PCDHGA4: variants seen among roughly 807,000 people sequenced by gnomAD.
PCDHGA4 encodes protocadherin gamma subfamily A, 4.
A neutral mutation model predicts 54.6 loss-of-function variants in PCDHGA4; 38 were observed. That is an observed-to-expected ratio of 0.70 (90% confidence interval 0.54 to 0.91). The LOEUF is 0.91. Ranked by LOEUF, PCDHGA4 falls within the 40% of genes least tolerant of loss-of-function variation. The pLI is 0.00. For missense variants in PCDHGA4, 1,298 were observed against 1,220.9 expected (o/e 1.06, Z -0.94); for synonymous variants, 511 against 512.9 (o/e 1.00, Z 0.05).
intron 1 of PCDHGA4, chr5:141,394,129 C>T: frequency 3.7e-6 from 6 of 1,613,968 alleles, no homozygotes; most frequent in Non-Finnish European, 5.1e-6. Context: ...ACTCAAATCG[C>T]TCTGCACGTG....
At chr5:141,413,389 T>G in intron 1 of PCDHGA4, 1 of 1,613,986 alleles carries the variant, frequency 6.2e-7, no homozygotes, top group Non-Finnish European at 8.5e-7. Flanking sequence ...CCGCATAGTC[T>G]CCAGAGGTAG....
chr5:141,431,325 G>A lies in PCDHGA4; in HGVS notation c.2515-63482G>A. On this transcript the variant is annotated intron_variant, in intron 1 of 3. Transcript: ENST00000571252. The surrounding 1 kb of genome is among the most constrained non-coding windows in gnomAD (Gnocchi z 4.8). ...ATCGTGCAAAATGGAGCCGACGGTA[G>A]TAAGTACCCCGAATTGGTGCTGAAA... is the stretch of plus-strand genomic sequence containing the variant. 6.2e-7 allele frequency: 1 copy of A among 1,614,144 alleles called. No homozygotes were observed. The highest frequency in any genetic ancestry group is 8.5e-7 in the Non-Finnish European group (1 of 1,180,052).
chr5:141,464,419 A>G (rs2099083824), intron 1 of PCDHGA4, among the ~76,000 whole-genome samples: 1 of 151,768 alleles, frequency 6.6e-6, no homozygotes, highest in South Asian at 2.1e-4. Context: ...ATATATCTAT[A>G]TATATAGATA....
chr5:141,489,094 G>GAAT lies in PCDHGA4; in HGVS notation c.2515-5711_2515-5710insTAA, dbSNP rs2154581134. 5.1e-6 allele frequency: 2 copies of GAAT among 396,028 alleles called. No homozygotes were observed. Among genetic ancestry groups the GAAT allele is most frequent in the Non-Finnish European group, 9.0e-6 (2 of 221,296 alleles). 24.5% of individuals were successfully genotyped at this position (396,028 alleles called of 1,614,324 possible). Reference sequence around the variant, plus strand: ...CCCACCCCCGCCACTCGGTGACTAAGAACTGCTGCAAGCAGGCAAACCTCC... The same window carrying GAAT: ...CCCACCCCCGCCACTCGGTGACTAAGAATAACTGCTGCAAGCAGGCAAACCTCC... On this transcript the variant is annotated intron_variant, in intron 1 of 3. Coordinates refer to ENST00000571252, the MANE Select transcript of PCDHGA4 (RefSeq NM_018917.4). The surrounding 1 kb of genome is among the most constrained non-coding windows in gnomAD (Gnocchi z 4.5).
chr5:141,366,190 G>A, intron 1 of PCDHGA4: 1 of 1,613,934 alleles, frequency 6.2e-7, no homozygotes, highest in African/African-American at 1.3e-5. Context: ...TTGCGGTTGG[G>A]CTGCACACGG....
intron 1 of PCDHGA4, chr5:141,365,015 C>T (rs773470378): frequency 1.2e-6 from 2 of 1,613,786 alleles, no homozygotes; most frequent in Admixed American, 3.3e-5. Context: ...CACGCACATC[C>T]GTGTTACGGT....
chr5:141,383,093 G>C, intron 1 of PCDHGA4: 1 of 1,613,930 alleles, frequency 6.2e-7, no homozygotes. Context: ...CGCGGAGTCC[G>C]CATCATCTCC....
chr5:141,403,533 T>G (rs1307203985), intron 1 of PCDHGA4: 2 of 1,613,992 alleles, frequency 1.2e-6, no homozygotes, highest in African/African-American at 2.7e-5. Flanking sequence ...AACCCAGAGC[T>G]GGTGCTGGAG....
chr5:141,445,537 G>A (rs1266179512), intron 1 of PCDHGA4, among the ~76,000 whole-genome samples: 1 of 152,182 alleles, frequency 6.6e-6, no homozygotes, highest in African/African-American at 2.4e-5. Flanking sequence ...AAGCCAACAA[G>A]GAGAAATACA....
At chr5:141,418,744 T>C in intron 1 of PCDHGA4, 1 of 1,613,936 alleles carries the variant, frequency 6.2e-7, no homozygotes, top group Non-Finnish European at 8.5e-7. Context: ...TCTCTCTGGA[T>C]TACACTACAG....
chr5:141,498,807 C>G (rs113587634), intron 2 of PCDHGA4, among the ~76,000 whole-genome samples: 1 of 152,030 alleles, frequency 6.6e-6, no homozygotes, highest in Non-Finnish European at 1.5e-5. Flanking sequence ...GTGGTGCACA[C>G]CTGTAGTCCC....
intron 2 of PCDHGA4, among the ~76,000 whole-genome samples, chr5:141,502,705 T>C (rs1475675789): frequency 6.6e-6 from 1 of 152,248 alleles, no homozygotes; most frequent in African/African-American, 2.4e-5. Context: ...TATCTGTTTT[T>C]ACATCAGTGA....
In PCDHGA4 at chr5:141,356,483, G is replaced by C. The variant is rs2149791327; in HGVS notation, c.1376G>C (p.Gly459Ala). The C allele has an allele frequency of 6.2e-7, 1 of 1,613,938 alleles. No individual in the cohort carries two copies. The highest frequency in any genetic ancestry group is 1.1e-5 in the South Asian group (1 of 91,078). The change falls in exon 1 of 4, where the codon GGA becomes GCA. Residue 459 changes from glycine (G) to alanine (A), a missense_variant. Transcript: ENST00000571252. Reference protein sequence around the residue: ...YNITVTATDQGTPPLSTETHI... With the variant: ...YNITVTATDQATPPLSTETHI... ...ATCACTGTAACTGCCACTGACCAGG[G>C]AACTCCTCCACTGTCTACAGAAACT...
chr5:141,421,538 T>A, intron 1 of PCDHGA4: 2 of 1,614,028 alleles, frequency 1.2e-6, no homozygotes, highest in Non-Finnish European at 1.7e-6. Context: ...TCCTCCTGTT[T>A]TTTAAATATG....
intron 1 of PCDHGA4, among the ~76,000 whole-genome samples, chr5:141,380,089 G>A (rs1333618493): frequency 6.6e-6 from 1 of 151,698 alleles, no homozygotes; most frequent in Non-Finnish European, 1.5e-5. Flanking sequence ...TAGTAGAGAT[G>A]GGGTTTTACC....
intron 1 of PCDHGA4, among the ~76,000 whole-genome samples, chr5:141,368,352 C>CAT (rs965270733): frequency 4.6e-5 from 7 of 152,124 alleles, no homozygotes; most frequent in East Asian, 1.9e-4. Flanking sequence ...TATACACACA[C>CAT]ATATATATAC....
chr5:141,399,590 T>G, intron 1 of PCDHGA4: 1 of 1,613,972 alleles, frequency 6.2e-7, no homozygotes, highest in East Asian at 2.2e-5. Context: ...TACTCTATCA[T>G]GGCCAGCGAC....
chr5:141,366,411 T>C lies in PCDHGA4; in HGVS notation c.2514+8790T>C, dbSNP rs759374656. ...GATCTGGACCTCACACTCTATCTTG[T>C]GGTGGCAGTGGCTGCAGTCTCCTGC... On this transcript the variant is annotated intron_variant, in intron 1 of 3. Coordinates refer to ENST00000571252, the MANE Select transcript of PCDHGA4 (RefSeq NM_018917.4). The C allele has an allele frequency of 6.2e-7, 1 of 1,614,194 alleles. No individual in the cohort carries two copies.
intron 1 of PCDHGA4, chr5:141,413,967 G>A: frequency 6.2e-7 from 1 of 1,613,428 alleles, no homozygotes; most frequent in Non-Finnish European, 8.5e-7. Context: ...TGGGCACTCA[G>A]CTGCTGACAG....
Sources: gnomAD v4.1 joint callset for allele counts (sites outside exome capture counted in the v4.1 genomes callset) on GRCh38, gnomAD v4.1.1 for gene constraint, Gnocchi (gnomAD v3.1) non-coding constraint, MANE v1.5 for transcripts, NCBI Gene and HGNC (gene_info 2026-07-23, HGNC 2026-07-21) for gene names.